Variants in MECOM observed in about 807,000 individuals in gnomAD.
The protein encoded by MECOM is MDS1 and EVI1 complex locus, also known as histone-lysine N-methyltransferase MECOM.
In MECOM, 13 loss-of-function variants were observed where a neutral mutation model predicts 116.3. The ratio of observed to expected loss-of-function variants is 0.11; its 90% CI spans 0.07 to 0.18. MECOM has a LOEUF of 0.18. MECOM is among the 10% of genes least tolerant of loss of function. The probability of loss-of-function intolerance (pLI) is 1.00; values close to 1 mark genes in which losing one functional copy is unlikely to be tolerated. For missense variants in MECOM, 1,299 were observed against 1,509.0 expected (o/e 0.86, Z 2.31); for synonymous variants, 528 against 535.2 (o/e 0.99, Z 0.19).
intron 1 of MECOM, among the ~76,000 whole-genome samples, chr3:169,659,368 G>A (rs1478573849): frequency 6.9e-6 from 1 of 145,116 alleles, no homozygotes; most frequent in Admixed American, 7.0e-5. Context: ...TACAGCTAAT[G>A]AACCGTTCCC....
At chr3:169,201,748 T>C (rs908351125) in intron 2 of MECOM, among the ~76,000 whole-genome samples, 1 of 152,156 alleles carries the variant, frequency 6.6e-6, no homozygotes, top group Non-Finnish European at 1.5e-5. Flanking sequence ...TTTCCAATCA[T>C]GCTTAAATAA....
chr3:169,387,907 T>C (rs987715802), intron 1 of MECOM, among the ~76,000 whole-genome samples: 2 of 151,968 alleles, frequency 1.3e-5, no homozygotes, highest in Admixed American at 6.6e-5. Flanking sequence ...TTTAGACATT[T>C]CCCCCCATTA....
intron 2 of MECOM, among the ~76,000 whole-genome samples, chr3:169,322,972 C>CCTGCATG (rs1721153637): frequency 7.4e-6 from 1 of 134,338 alleles, no homozygotes; most frequent in African/African-American, 2.8e-5. Flanking sequence ...TACACTCCAG[C>CCTGCATG]CTGCATGACA....
intron 1 of MECOM, among the ~76,000 whole-genome samples, chr3:169,396,626 G>C (rs1577973303): frequency 6.6e-6 from 1 of 152,118 alleles, no homozygotes; most frequent in African/African-American, 2.4e-5. Context: ...GCTCACATTT[G>C]TATTTCCATA....
intron 1 of MECOM, among the ~76,000 whole-genome samples, chr3:169,487,771 T>C (rs995079338): frequency 8.8e-6 from 1 of 113,436 alleles, no homozygotes; most frequent in African/African-American, 3.4e-5. Context: ...GGAAGAGATA[T>C]ATGCAAAAAA....
intron 2 of MECOM, among the ~76,000 whole-genome samples, chr3:169,292,047 C>A (rs972624703): frequency 2.6e-5 from 4 of 152,124 alleles, no homozygotes; most frequent in Non-Finnish European, 5.9e-5. Flanking sequence ...ACTAGTTTGG[C>A]GTTTTGTATT....
intron 12 of MECOM, among the ~76,000 whole-genome samples, chr3:169,100,183 C>T (rs1433575638): frequency 2.7e-5 from 4 of 148,122 alleles, no homozygotes; most frequent in Non-Finnish European, 4.4e-5. Flanking sequence ...ACTGCAACCT[C>T]CACCTCCCAG....
chr3:169,300,364 C>G (rs1241937165), intron 2 of MECOM, among the ~76,000 whole-genome samples: 2 of 152,188 alleles, frequency 1.3e-5, no homozygotes, highest in Non-Finnish European at 2.9e-5. Context: ...ATGATAGCCT[C>G]TCTTATAAAT....
intron 2 of MECOM, among the ~76,000 whole-genome samples, chr3:169,226,018 C>T (rs758369758): frequency 1.3e-5 from 2 of 152,172 alleles, no homozygotes; most frequent in Admixed American, 6.5e-5. Flanking sequence ...CAAAGGACTC[C>T]TTATTTTATT....
intron 14 of MECOM, 149 bp from the exon 15 acceptor site, chr3:169,090,385 G>A (rs1230965735): frequency 3.1e-6 from 2 of 655,168 alleles, no homozygotes; most frequent in Non-Finnish European, 4.9e-6. Flanking sequence ...CGTCAACCAT[G>A]AAAAAATAAT....
intron 1 of MECOM, among the ~76,000 whole-genome samples, chr3:169,396,136 C>T (rs1246609441): frequency 1.3e-5 from 2 of 152,144 alleles, no homozygotes; most frequent in African/African-American, 2.4e-5. Flanking sequence ...TTTTTCATAA[C>T]ATCTGCAGCT....
intron 3 of MECOM, among the ~76,000 whole-genome samples, chr3:169,138,118 T>C (rs1736923102): frequency 6.6e-6 from 1 of 152,116 alleles, no homozygotes; most frequent in Non-Finnish European, 1.5e-5. Context: ...GACCAAAACA[T>C]TATCCTCCTT....
At position 169,100,913 on chromosome 3, in the gene MECOM, T is replaced by G. The variant is rs755182939; in HGVS notation, c.2821A>C (p.Arg941=). The change falls in exon 12 of 17, where the codon AGA becomes CGA. Residue 941 remains arginine (R), a synonymous_variant. Transcript: ENST00000651503. ...TAAGGCTGCTCTCCTGTGTGGGTTC[T>G]CAAGTGCCGTGTTAGGTTTGCAGAC... The part of the protein sequence containing the change: ...PRSANLTRHL[R]THTGEQPYRC... 1.2e-5 allele frequency: 19 copies of G among 1,607,274 alleles called. No homozygotes were observed. The highest frequency in any genetic ancestry group is 1.6e-5 in the Non-Finnish European group (19 of 1,175,922).
chr3:169,176,686 C>G (rs1745219224), intron 2 of MECOM, among the ~76,000 whole-genome samples: 1 of 152,122 alleles, frequency 6.6e-6, no homozygotes, highest in Admixed American at 6.5e-5. Flanking sequence ...AGGCAACCTA[C>G]AGAATGGTGG....
intron 1 of MECOM, among the ~76,000 whole-genome samples, chr3:169,529,323 C>A (rs1297457246): frequency 6.6e-6 from 1 of 152,198 alleles, no homozygotes; most frequent in Non-Finnish European, 1.5e-5. Context: ...TGAAAACCAG[C>A]AGGACAATAA....
intron 1 of MECOM, among the ~76,000 whole-genome samples, chr3:169,531,541 G>A (rs534580541): frequency 2.6e-5 from 4 of 152,182 alleles, no homozygotes; most frequent in East Asian, 3.9e-4. Context: ...GAACCTCAGC[G>A]AAATTAAATG....
In MECOM at chr3:169,084,735, G is replaced by A; in HGVS notation, c.*174C>T. 3.0e-6 allele frequency: 2 copies of A among 659,920 alleles called. No homozygotes were observed. Among genetic ancestry groups the A allele is most frequent in the Non-Finnish European group, 4.7e-6 (2 of 422,600 alleles). The allele number at this position is 659,920 out of a possible 1,614,324, so 40.9% of individuals were successfully genotyped here. ...CAAAACAAAATATCGAGAATAAATA[G>A]TTTCTTTTTTCTTTCTTTTCTTTTT... is the stretch of plus-strand genomic sequence containing the variant. On this transcript the variant is annotated 3_prime_UTR_variant, in exon 17 of 17. Coordinates refer to ENST00000651503, the MANE Select transcript of MECOM (RefSeq NM_004991.4).
chr3:169,255,188 A>G (rs1475396581), intron 2 of MECOM, among the ~76,000 whole-genome samples: 1 of 152,234 alleles, frequency 6.6e-6, no homozygotes, highest in Non-Finnish European at 1.5e-5. Context: ...AAGAGAAAAG[A>G]GAGTTGATAT....
intron 1 of MECOM, among the ~76,000 whole-genome samples, chr3:169,510,400 G>T (rs1375898748): frequency 2.0e-5 from 3 of 152,128 alleles, no homozygotes; most frequent in Non-Finnish European, 4.4e-5. Context: ...GGAAACACTT[G>T]CCCTCCCAAG....
Sources: allele counts gnomAD v4.1 joint callset (sites outside exome capture counted in the v4.1 genomes callset), GRCh38; gene constraint gnomAD v4.1.1; transcripts MANE v1.5; gene names NCBI Gene and HGNC (gene_info 2026-07-23, HGNC 2026-07-21).